Variants in ZNF706 observed in about 807,000 individuals in gnomAD.
ZNF706 encodes zinc finger protein 706.
In ZNF706, 4 loss-of-function variants were observed where a neutral mutation model predicts 9.2. That is an observed-to-expected ratio of 0.43 (90% CI 0.21 to 0.99). The LOEUF (loss-of-function observed/expected upper bound fraction) is 0.99. Among genes scored for constraint, ZNF706 ranks in the 50% least tolerant of loss-of-function variants. ZNF706 has a pLI of 0.26. For synonymous variants in ZNF706, 28 were observed against 27.3 expected, an observed-to-expected ratio of 1.03 and a Z score of -0.08; for missense variants, 27 against 87.8, an observed-to-expected ratio of 0.31 and a Z score of 2.77.
At position 101,201,450 on chromosome 8, in the gene ZNF706, G is replaced by C. The variant is rs1810552198; in HGVS notation, c.135+157C>G. On this transcript the variant is annotated intron_variant, in intron 2 of 3. Transcript: ENST00000311212. This position sits in a 1 kb window ranked among gnomAD's most constrained non-coding sequence, Gnocchi z 4.5. ...CACAGGAGCCATTCAAAAAATATTTGTTTAAAGGGTGAATGAAAATAGATA... is the reference window on the plus strand; with the variant it reads ...CACAGGAGCCATTCAAAAAATATTTCTTTAAAGGGTGAATGAAAATAGATA... 2 of 698,768 alleles carry C rather than the reference G, an allele frequency of 2.9e-6. No homozygotes were observed. The highest frequency in any genetic ancestry group is 2.4e-5 in the South Asian group (1 of 41,398). The allele number at this position is 698,768 out of a possible 1,614,324, so 43.3% of individuals were successfully genotyped here.
chr8:101,206,166 G>C (rs1052617149), upstream of ZNF706: 1 of 152,172 alleles, frequency 6.6e-6, no homozygotes, highest in African/African-American at 2.4e-5. Context: ...CCGGAGCCCC[G>C]CCACCCAGGA....
At chr8:101,203,818 T>G (rs572510224) in intron 1 of ZNF706, 1 of 152,348 alleles carries the variant, frequency 6.6e-6, no homozygotes, top group Non-Finnish European at 1.5e-5. Context: ...TAAAAAAAAT[T>G]ATTAATTCTA....
At chr8:101,205,887 C>T (rs537566371), upstream of ZNF706, 2 of 152,266 alleles carry the variant, frequency 1.3e-5, no homozygotes, top group South Asian at 4.1e-4. This position sits in a 1 kb window ranked among gnomAD's most constrained non-coding sequence, Gnocchi z 6.6. Flanking sequence ...CCCAGGCGCC[C>T]CTCCTCTCCG....
intron 1 of ZNF706, chr8:101,204,988 G>C: frequency 4.1e-6 from 4 of 978,418 alleles, no homozygotes; most frequent in Non-Finnish European, 3.6e-6. Flanking sequence ...CCCAGCTTCA[G>C]CCTGGCGCAC....
rs533016827 is a variant in ZNF706 at position 101,201,946 on chromosome 8, T to C, written c.-2-203A>G. The stretch of plus-strand genomic sequence containing the variant: ...CCTGTGGAAAACTAGTTGGTAGCTG[T>C]TTATTCTATGAGCCAGCAATTCCAC... On this transcript the variant is annotated intron_variant, in intron 1 of 3. Coordinates refer to ENST00000311212, the MANE Select transcript of ZNF706 (RefSeq NM_016096.5). This position sits in a 1 kb window ranked among gnomAD's most constrained non-coding sequence, Gnocchi z 4.5. Among the ~76,000 whole-genome samples, 3 of 152,296 alleles carry C rather than the reference T, an allele frequency of 2.0e-5. 1 individual carries two copies. The South Asian group carries it at 6.2e-4, about 32-fold the overall frequency.
chr8:101,201,299 T>C lies in ZNF706; in HGVS notation c.135+308A>G, dbSNP rs971382992. ...AGCATATTATATAGCTCTAAGAGTG[T>C]AGAGTTATATGATGTGCTAGTGAAG... On this transcript the variant is annotated intron_variant, in intron 2 of 3. Transcript: ENST00000311212. This position sits in a 1 kb window ranked among gnomAD's most constrained non-coding sequence, Gnocchi z 4.5. 7.0e-6 allele frequency: 2 copies of C among 285,226 alleles called. No homozygotes were observed. The highest frequency in any genetic ancestry group is 1.3e-5 in the Non-Finnish European group (2 of 151,938). 17.7% of individuals were successfully genotyped at this position (285,226 alleles called of 1,614,324 possible).
rs1399032076 is a variant in ZNF706 at position 101,201,792 on chromosome 8, G to C, written c.-2-49C>G. The C allele has an allele frequency of 6.3e-7, 1 of 1,580,926 alleles. No homozygotes were observed. Among genetic ancestry groups the C allele is most frequent in the South Asian group, 1.2e-5 (1 of 86,818 alleles). On this transcript the variant is annotated intron_variant, in intron 1 of 3. Transcript: ENST00000311212. The surrounding 1 kb of genome is among the most constrained non-coding windows in gnomAD (Gnocchi z 4.5). ...AGAGTGGCTTATTTACTCTAATACAGAGTAATCAAAGCATAAGAACGTTCT... is the reference window on the plus strand; with the variant it reads ...AGAGTGGCTTATTTACTCTAATACACAGTAATCAAAGCATAAGAACGTTCT...
At chr8:101,199,932 T>C (rs1184847420) in intron 3 of ZNF706, 58 bp downstream of exon 3, 1 of 1,156,372 alleles carries the variant, frequency 8.6e-7, no homozygotes, top group African/African-American at 1.5e-5. Flanking sequence ...GTGAAGACAG[T>C]TTTGGTCTTG....
intron 2 of ZNF706, chr8:101,200,780 T>C (rs1050864444): frequency 6.5e-6 from 1 of 154,082 alleles, no homozygotes; most frequent in East Asian, 1.9e-4. Context: ...CACTATGGTT[T>C]CCTTTGGTAC....
chr8:101,197,522 A>G lies in ZNF706; in HGVS notation c.*1730T>C, dbSNP rs1007861389. On this transcript the variant is annotated 3_prime_UTR_variant, in exon 4 of 4. Transcript: ENST00000311212. ...AAAAAACTTTCATCCTGAATTAGTCACTAAAACAAACGAAAAAAAAAAAAC... is the reference window on the plus strand; with the variant it reads ...AAAAAACTTTCATCCTGAATTAGTCGCTAAAACAAACGAAAAAAAAAAAAC... The G allele has an allele frequency of 2.2e-4, 34 of 151,688 alleles. No homozygotes were observed. The highest frequency in any genetic ancestry group is 8.3e-4 in the African/African-American group (34 of 41,124). 9.4% of individuals were successfully genotyped at this position (151,688 alleles called of 1,614,324 possible). A position where few individuals can be genotyped will look rare whatever the true frequency, so the allele number is the denominator to read the frequency against.
In ZNF706 at chr8:101,205,370, T is replaced by C. The variant is rs911124266; in HGVS notation, c.-3+65A>G. The C allele has an allele frequency of 2.1e-5, 3 of 146,146 alleles. No homozygotes were observed. Among genetic ancestry groups the C allele is most frequent in the African/African-American group, 7.6e-5 (3 of 39,470 alleles). The allele number at this position is 146,146 out of a possible 1,614,324, so 9.1% of individuals were successfully genotyped here. A position where few individuals can be genotyped will look rare whatever the true frequency, so the allele number is the denominator to read the frequency against. ...TCCCACGGTCCCCACCGCCCCCCGCTGGCCGGCCCCCGCCCCGTTTCCCGG... is the reference window on the plus strand; with the variant it reads ...TCCCACGGTCCCCACCGCCCCCCGCCGGCCGGCCCCCGCCCCGTTTCCCGG... On this transcript the variant is annotated intron_variant, in intron 1 of 3. Coordinates refer to ENST00000311212, the MANE Select transcript of ZNF706 (RefSeq NM_016096.5). This position sits in a 1 kb window ranked among gnomAD's most constrained non-coding sequence, Gnocchi z 6.6.
rs1190271995 is a variant in ZNF706, at chr8:101,199,148, T to A, written c.*104A>T. ...ATGAGTGTTTCTGTAGCCCCTTTATTTTTGCTGATCAACAGTTTGTTAGAA... is the reference window on the plus strand; with the variant it reads ...ATGAGTGTTTCTGTAGCCCCTTTATATTTGCTGATCAACAGTTTGTTAGAA... On this transcript the variant is annotated 3_prime_UTR_variant, in exon 4 of 4. Coordinates refer to ENST00000311212, the MANE Select transcript of ZNF706 (RefSeq NM_016096.5). 5.9e-6 allele frequency: 4 copies of A among 681,384 alleles called. No homozygotes were observed. In the South Asian group the frequency reaches 6.2e-5, roughly 11 times the overall value. The allele number at this position is 681,384 out of a possible 1,614,324, so 42.2% of individuals were successfully genotyped here. A position where few individuals can be genotyped will look rare whatever the true frequency, so the allele number is the denominator to read the frequency against.
intron 3 of ZNF706, 86 bp from the exon 4 acceptor site, chr8:101,199,325 C>T (rs1563751476): frequency 1.3e-5 from 9 of 687,300 alleles, no homozygotes. Context: ...AGAAGAAACA[C>T]TATGAAGATA....
At chr8:101,202,797 A>G (rs1189748594) in intron 1 of ZNF706, 5 of 152,208 alleles carry the variant, frequency 3.3e-5, no homozygotes, top group Non-Finnish European at 7.3e-5. Context: ...CATTTACTTG[A>G]TCACTCTGCA....
At position 101,199,152 on chromosome 8, in the gene ZNF706, G is replaced by A. The variant is rs765824268; in HGVS notation, c.*100C>T. On this transcript the variant is annotated 3_prime_UTR_variant, in exon 4 of 4. Transcript: ENST00000311212. ...GTGTTTCTGTAGCCCCTTTATTTTTGCTGATCAACAGTTTGTTAGAAAAGC... is the reference window on the plus strand; with the variant it reads ...GTGTTTCTGTAGCCCCTTTATTTTTACTGATCAACAGTTTGTTAGAAAAGC... The A allele has an allele frequency of 1.0e-4, 70 of 680,650 alleles. No individual in the cohort carries two copies. Among genetic ancestry groups the A allele is most frequent in the Non-Finnish European group, 1.5e-4 (55 of 375,966 alleles). 42.2% of individuals were successfully genotyped at this position (680,650 alleles called of 1,614,324 possible). A position where few individuals can be genotyped will look rare whatever the true frequency, so the allele number is the denominator to read the frequency against.
upstream of ZNF706, chr8:101,206,200 A>G (rs1466919158): frequency 6.6e-6 from 1 of 152,360 alleles, no homozygotes; most frequent in Non-Finnish European, 1.5e-5. Flanking sequence ...GCCCCCAGCG[A>G]GCCCGGCGGA....
chr8:101,205,902 G>C (rs1012052435), upstream of ZNF706: 2 of 152,316 alleles, frequency 1.3e-5, no homozygotes, highest in African/African-American at 4.8e-5. The surrounding 1 kb of genome is among the most constrained non-coding windows in gnomAD (Gnocchi z 6.6). Context: ...TCTCCGGCGC[G>C]CTCGGTCCGG....
chr8:101,197,293 T>A lies in ZNF706; in HGVS notation c.*1959A>T, dbSNP rs1810397059. 6.6e-6 allele frequency: 1 copy of A among 152,190 alleles called. No individual in the cohort carries two copies. The highest frequency in any genetic ancestry group is 2.4e-5 in the African/African-American group (1 of 41,458). The allele number at this position is 152,190 out of a possible 1,614,324, so 9.4% of individuals were successfully genotyped here. On this transcript the variant is annotated 3_prime_UTR_variant, in exon 4 of 4. Coordinates refer to ENST00000311212, the MANE Select transcript of ZNF706 (RefSeq NM_016096.5). ...TATAATGAACTTTGCTGCAATCTGT[T>A]AAAGAATCTTCAAATTAAATTACAG... is the stretch of plus-strand genomic sequence containing the variant.
rs1256257955 is a variant in ZNF706 at position 101,198,798 on chromosome 8, A to T, written c.*454T>A. 1.9e-5 allele frequency: 3 copies of T among 157,464 alleles called. No homozygotes were observed. The Admixed American group carries it at 1.9e-4, about 10-fold the overall frequency. The allele number at this position is 157,464 out of a possible 1,614,324, so 9.8% of individuals were successfully genotyped here. A position where few individuals can be genotyped will look rare whatever the true frequency, so the allele number is the denominator to read the frequency against. ...TAATGAATCAGTCTGCTCTAGTTTA[A>T]CTGAGGAACCTGCCACTGAGCAGAG... On this transcript the variant is annotated 3_prime_UTR_variant, in exon 4 of 4. Coordinates refer to ENST00000311212, the MANE Select transcript of ZNF706 (RefSeq NM_016096.5).
Sources: allele counts gnomAD v4.1 joint callset (sites outside exome capture counted in the v4.1 genomes callset), GRCh38; gene constraint gnomAD v4.1.1; non-coding constraint Gnocchi (gnomAD v3.1); transcripts MANE v1.5; gene names NCBI Gene and HGNC (gene_info 2026-07-23, HGNC 2026-07-21).